The following FGD4 variants were observed in gnomAD, a reference collection of about 807,000 sequenced individuals.
FGD4 encodes FYVE, RhoGEF and PH domain-containing protein 4.
A neutral mutation model predicts 102.0 loss-of-function variants in FGD4; 42 were observed. The ratio of observed to expected loss-of-function variants is 0.41; its 90% CI spans 0.32 to 0.53. FGD4 has a LOEUF of 0.53. Among genes scored for constraint, FGD4 ranks in the 20% least tolerant of loss-of-function variants. FGD4 has a pLI of 0.21. For synonymous variants in FGD4, 380 were observed against 375.7 expected (o/e 1.01, Z -0.13); for missense variants, 902 against 1,078.2 (o/e 0.84, Z 2.29).
Position 32,641,898 on chromosome 12 carries a change from T to A in FGD4, c.*1365T>A, listed in dbSNP as rs927175650. On this transcript the variant is annotated 3_prime_UTR_variant, in exon 17 of 17. Coordinates refer to ENST00000534526, the MANE Select transcript of FGD4 (RefSeq NM_001370298.3). ...ACACTAAGTTTACTATTTAACTTAA[T>A]CCTTTTTCTCAAATTAAACCTTTTT... The A allele has an allele frequency of 6.6e-6, 1 of 152,174 alleles. No individual in the cohort carries two copies. The highest frequency in any genetic ancestry group is 2.4e-5 in the African/African-American group (1 of 41,452). The allele number at this position is 152,174 out of a possible 1,614,324, so 9.4% of individuals were successfully genotyped here.
intron 1 of FGD4, among the ~76,000 whole-genome samples, chr12:32,500,392 T>TTTTTATTTTATTTTATTTTATTTTA (rs56752650): frequency 5.3e-4 from 72 of 135,328 alleles, no homozygotes; most frequent in African/African-American, 1.9e-3. Flanking sequence ...TTTTATTTTA[T>TTTTTATTTTATTTTATTTTATTTTA]TTTTATTTTA....
At chr12:32,421,482 G>T (rs188185715) in intron 1 of FGD4, among the ~76,000 whole-genome samples, 1 of 152,254 alleles carries the variant, frequency 6.6e-6, no homozygotes, top group Admixed American at 6.5e-5. Flanking sequence ...GTAGGATCTG[G>T]CTGCTCCTCC....
intron 1 of FGD4, among the ~76,000 whole-genome samples, chr12:32,478,445 T>G (rs1943640733): frequency 6.6e-6 from 1 of 152,184 alleles, no homozygotes; most frequent in South Asian, 2.1e-4. Context: ...TTTGTATTTT[T>G]TGTACAGATG....
chr12:32,488,811 T>C (rs1221818751), intron 1 of FGD4, among the ~76,000 whole-genome samples: 2 of 152,050 alleles, frequency 1.3e-5, no homozygotes, highest in African/African-American at 2.4e-5. Context: ...TGGTGGCGCA[T>C]GCCTGTAGTC....
At chr12:32,587,707 T>C (rs1190874128) in intron 4 of FGD4, among the ~76,000 whole-genome samples, 2 of 151,994 alleles carry the variant, frequency 1.3e-5, no homozygotes, top group Non-Finnish European at 2.9e-5. Flanking sequence ...TTTAACAAAC[T>C]CTCCAGGCCA....
At chr12:32,613,221 A>G (rs1375085849) in intron 10 of FGD4, among the ~76,000 whole-genome samples, 3 of 152,160 alleles carry the variant, frequency 2.0e-5, no homozygotes, top group Admixed American at 6.5e-5. Context: ...ATGAGTTGTC[A>G]TGGGGGCTTA....
rs919435299 is a variant in FGD4 at position 32,644,396 on chromosome 12, T to G, written c.*3863T>G. 10 of 152,202 alleles carry G rather than the reference T, an allele frequency of 6.6e-5. No individual in the cohort carries two copies. Among genetic ancestry groups the G allele is most frequent in the Non-Finnish European group, 1.3e-4 (9 of 68,006 alleles). 9.4% of individuals were successfully genotyped at this position (152,202 alleles called of 1,614,324 possible). On this transcript the variant is annotated 3_prime_UTR_variant, in exon 17 of 17. Coordinates refer to ENST00000534526, the MANE Select transcript of FGD4 (RefSeq NM_001370298.3). ...AACTTAAAAAACCCTTTCTGTGAAT[T>G]TATACATGTATGTATATATGTAAAA...
At chr12:32,465,770 G>A (rs573219491) in intron 1 of FGD4, among the ~76,000 whole-genome samples, 1 of 152,192 alleles carries the variant, frequency 6.6e-6, no homozygotes, top group South Asian at 2.1e-4. Flanking sequence ...GTGTGTGTGT[G>A]TGTATTTGTG....
At chr12:32,400,339 C>A (rs1940604761) in intron 1 of FGD4, among the ~76,000 whole-genome samples, 1 of 152,164 alleles carries the variant, frequency 6.6e-6, no homozygotes, top group South Asian at 2.1e-4. Flanking sequence ...AGGCCTAATA[C>A]GGTGAAGGGG....
At chr12:32,611,749 C>A (rs918567578) in intron 10 of FGD4, among the ~76,000 whole-genome samples, 2 of 152,176 alleles carry the variant, frequency 1.3e-5, no homozygotes, top group African/African-American at 4.8e-5. Flanking sequence ...TTCTAAGTAA[C>A]GTATTTTTCT....
At position 32,569,675 on chromosome 12, in the gene FGD4, T is replaced by C. The variant is rs1945481475; in HGVS notation, c.319+5386T>C. On this transcript the variant is annotated intron_variant, in intron 2 of 16. Transcript: ENST00000534526. ...CGTTTTCTCCTAGCACTTACCTCCT[T>C]CCGATAAATGATTTACTTGCTATTT... Among the ~76,000 whole-genome samples the C allele has an allele frequency of 2.6e-5, 4 of 152,210 alleles. No homozygotes were observed. In the South Asian group the frequency reaches 8.3e-4, roughly 32 times the overall value.
At chr12:32,618,635 C>T (rs1327477145) in intron 10 of FGD4, among the ~76,000 whole-genome samples, 1 of 152,042 alleles carries the variant, frequency 6.6e-6, no homozygotes, top group Non-Finnish European at 1.5e-5. Flanking sequence ...AGTTAAAGAC[C>T]AGGCTGGGCA....
intron 4 of FGD4, among the ~76,000 whole-genome samples, chr12:32,596,310 G>C (rs191443119): frequency 2.2e-3 from 341 of 152,322 alleles, no homozygotes; most frequent in African/African-American, 7.8e-3. Context: ...TAGACACCTA[G>C]AGAGCTACAA....
chr12:32,426,273 AG>A (rs777353499), intron 1 of FGD4, among the ~76,000 whole-genome samples: 1 of 152,174 alleles, frequency 6.6e-6, no homozygotes, highest in Non-Finnish European at 1.5e-5. Context: ...TTTAGCATAA[AG>A]GGGTGTTGAA....
Position 32,625,893 on chromosome 12 carries a change from T to G in FGD4, c.2172+114T>G, listed in dbSNP as rs549326963. The G allele has an allele frequency of 1.3e-4, 188 of 1,446,816 alleles. No individual in the cohort carries two copies. In the African/African-American group the frequency reaches 2.3e-3, roughly 17 times the overall value. 89.6% of individuals were successfully genotyped at this position (1,446,816 alleles called of 1,614,324 possible). Reference sequence around the variant, plus strand: ...TCAACAAATCACTTAATAAATTTATTTTGGTGCCAATTACGTGCAGAGGAC... The same window carrying G: ...TCAACAAATCACTTAATAAATTTATGTTGGTGCCAATTACGTGCAGAGGAC... On this transcript the variant is annotated intron_variant, in intron 14 of 16. Transcript: ENST00000534526.
intron 1 of FGD4, among the ~76,000 whole-genome samples, chr12:32,440,418 G>C (rs1414911189): frequency 3.3e-5 from 5 of 152,196 alleles, no homozygotes; most frequent in Non-Finnish European, 7.3e-5. Context: ...ATGCCACCTT[G>C]ACGATCTTGG....
chr12:32,472,433 G>A (rs1364127350), intron 1 of FGD4, among the ~76,000 whole-genome samples: 5 of 152,160 alleles, frequency 3.3e-5, no homozygotes, highest in Admixed American at 6.5e-5. Flanking sequence ...CTTAGCACCC[G>A]GGCCAGTGGC....
At chr12:32,521,010 T>TA (rs1310005404) in intron 1 of FGD4, among the ~76,000 whole-genome samples, 1 of 152,184 alleles carries the variant, frequency 6.6e-6, no homozygotes, top group African/African-American at 2.4e-5. Flanking sequence ...AACTATTTAA[T>TA]GAGACTGTAT....
At chr12:32,470,556 C>T (rs1037103672) in intron 1 of FGD4, among the ~76,000 whole-genome samples, 3 of 148,172 alleles carry the variant, frequency 2.0e-5, no homozygotes, top group African/African-American at 7.5e-5. Flanking sequence ...TGGGTTCAAG[C>T]GATTCTTCTG....
Sources: allele counts gnomAD v4.1 joint callset (sites outside exome capture counted in the v4.1 genomes callset), GRCh38; gene constraint gnomAD v4.1.1; transcripts MANE v1.5; gene names NCBI Gene and HGNC (gene_info 2026-07-23, HGNC 2026-07-21).